The following PCSK2 variants were observed in gnomAD, a reference collection of about 807,000 sequenced individuals.
The protein encoded by PCSK2 is neuroendocrine convertase 2.
In PCSK2, 14 loss-of-function variants were observed where a neutral mutation model predicts 69.7. The observed-to-expected ratio is 0.20, with a 90% confidence interval of 0.13 to 0.31. The LOEUF is 0.31. Ranked by LOEUF, PCSK2 falls within the 10% of genes least tolerant of loss-of-function variation. The pLI is 1.00. For missense variants in PCSK2, 544 were observed against 842.5 expected (o/e 0.65, Z 4.39); for synonymous variants, 307 against 320.7 (o/e 0.96, Z 0.46).
rs534588639 is a variant in PCSK2, at chr20:17,284,389, C to T, written c.282+24045C>T. 4.6e-5 allele frequency among the ~76,000 whole-genome samples: 7 copies of T among 152,308 alleles called. No individual in the cohort carries two copies. The South Asian group carries it at 6.2e-4, about 14-fold the overall frequency. ...ACAGCACACTATTGGCAATGGCTTT[C>T]GTCCACTCCATCCACCATCACCACT... On this transcript the variant is annotated intron_variant, in intron 2 of 11. Coordinates refer to ENST00000262545, the MANE Select transcript of PCSK2 (RefSeq NM_002594.5).
chr20:17,318,447 A>G (rs180869082), intron 2 of PCSK2, among the ~76,000 whole-genome samples: 10 of 152,320 alleles, frequency 6.6e-5, no homozygotes, highest in Admixed American at 5.2e-4. Context: ...GTTTTTCATC[A>G]TTTCATATAG....
At chr20:17,451,964 G>T (rs1322195542) in intron 8 of PCSK2, among the ~76,000 whole-genome samples, 2 of 148,706 alleles carry the variant, frequency 1.3e-5, no homozygotes, top group Admixed American at 1.3e-4. Context: ...TGTCACCCGG[G>T]CTGGAGTGCA....
chr20:17,260,326 G>A lies in PCSK2; in HGVS notation c.264G>A (p.Gln88=), dbSNP rs765182176. The A allele has an allele frequency of 1.2e-6, 2 of 1,612,490 alleles. No individual in the cohort carries two copies. Among genetic ancestry groups the A allele is most frequent in the Non-Finnish European group, 1.7e-6 (2 of 1,178,484 alleles). ...GACGCAGCCTACACCACAAGCAGCA[G>A]CTGGAGAGAGACCCCAGGGTGAGTT... ...KRRRSLHHKQ[Q]LERDPRVKMA... is the part of the protein sequence containing the mutation. Residue 88 remains glutamine (Q), a synonymous_variant, in exon 2 of 12, where the codon CAG becomes CAA. Coordinates refer to ENST00000262545, the MANE Select transcript of PCSK2 (RefSeq NM_002594.5).
At chr20:17,380,231 A>G (rs2031051664) in intron 5 of PCSK2, among the ~76,000 whole-genome samples, 1 of 152,268 alleles carries the variant, frequency 6.6e-6, no homozygotes, top group Admixed American at 6.5e-5. Flanking sequence ...TCTTGATTAT[A>G]GTGGATATTT....
At chr20:17,413,907 C>A (rs1203072840) in intron 6 of PCSK2, among the ~76,000 whole-genome samples, 3 of 152,174 alleles carry the variant, frequency 2.0e-5, no homozygotes, top group African/African-American at 4.8e-5. Flanking sequence ...TACATGGAAA[C>A]TGAACAACCT....
In PCSK2 at chr20:17,295,553, T is replaced by TA. The variant is rs1491337682; in HGVS notation, c.282+35209_282+35210insA. Among the ~76,000 whole-genome samples the TA allele has an allele frequency of 1.0e-3, 154 of 147,840 alleles. 4 individuals are homozygous for TA. In the East Asian group the frequency reaches 0.021, roughly 20 times the overall value. On this transcript the variant is annotated intron_variant, in intron 2 of 11. Coordinates refer to ENST00000262545, the MANE Select transcript of PCSK2 (RefSeq NM_002594.5). ...TATTTATTTATTTATATTATATATA[T>TA]TTATTTATTTATTTATTATTTATTT...
rs1381107551 is a variant in PCSK2, at chr20:17,260,229, A to T, written c.178-11A>T. ...AGCTAACTATGCCTATGTCTACTTGACTCTCCACAGCTTCCCTTTGCTGAA... is the reference window on the plus strand; with the variant it reads ...AGCTAACTATGCCTATGTCTACTTGTCTCTCCACAGCTTCCCTTTGCTGAA... On this transcript the variant is annotated splice_polypyrimidine_tract_variant and intron_variant, in intron 1 of 11. Transcript: ENST00000262545. 4 of 1,578,254 alleles carry T rather than the reference A, an allele frequency of 2.5e-6. No individual in the cohort carries two copies. In the South Asian group the frequency reaches 3.3e-5, roughly 13 times the overall value.
rs576273487 is a variant in PCSK2, at chr20:17,347,812, G to T, written c.283-10515G>T. Reference sequence around the variant, plus strand: ...CGAAAGAAAGAAAGAAAGAAAGAAAGAAAGAAAGAAAGAAAGAAAGAAAGA... The same window carrying T: ...CGAAAGAAAGAAAGAAAGAAAGAAATAAAGAAAGAAAGAAAGAAAGAAAGA... On this transcript the variant is annotated intron_variant, in intron 2 of 11. Coordinates refer to ENST00000262545, the MANE Select transcript of PCSK2 (RefSeq NM_002594.5). Among the ~76,000 whole-genome samples the T allele has an allele frequency of 6.6e-3, 802 of 121,466 alleles. 17 individuals are homozygous for T. Among genetic ancestry groups the T allele is most frequent in the African/African-American group, 0.01 (327 of 31,166 alleles). The allele number at this position is 121,466 out of a possible 152,430, so 79.7% of individuals were successfully genotyped here. A position where few individuals can be genotyped will look rare whatever the true frequency, so the allele number is the denominator to read the frequency against.
chr20:17,375,916 AG>A (rs2030911722), intron 5 of PCSK2, among the ~76,000 whole-genome samples: 1 of 152,174 alleles, frequency 6.6e-6, no homozygotes, highest in African/African-American at 2.4e-5. Flanking sequence ...AAAGAGGTGA[AG>A]TGTGTTTCCT....
At chr20:17,259,315 AAATT>A (rs1418671502) in intron 1 of PCSK2, among the ~76,000 whole-genome samples, 1 of 152,252 alleles carries the variant, frequency 6.6e-6, no homozygotes, top group Non-Finnish European at 1.5e-5. Flanking sequence ...GCATTCAATT[AAATT>A]AATTAATCAG....
intron 11 of PCSK2, among the ~76,000 whole-genome samples, chr20:17,468,583 C>G (rs976786187): frequency 6.6e-6 from 1 of 151,358 alleles, no homozygotes; most frequent in African/African-American, 2.4e-5. Context: ...TGTAGACGGG[C>G]AGCCTACCAT....
chr20:17,245,456 C>T (rs904205910), intron 1 of PCSK2, among the ~76,000 whole-genome samples: 5 of 152,240 alleles, frequency 3.3e-5, no homozygotes, highest in South Asian at 2.1e-4. Flanking sequence ...AATTTTCTAG[C>T]TTAGACATCT....
At chr20:17,269,648 C>T (rs1987781805) in intron 2 of PCSK2, among the ~76,000 whole-genome samples, 3 of 152,124 alleles carry the variant, frequency 2.0e-5, no homozygotes, top group African/African-American at 7.2e-5. Context: ...CAGGAGGTCA[C>T]ATTTGACTCA....
intron 6 of PCSK2, among the ~76,000 whole-genome samples, chr20:17,428,445 G>A (rs1034890993): frequency 2.6e-5 from 4 of 152,086 alleles, no homozygotes; most frequent in Non-Finnish European, 4.4e-5. Flanking sequence ...CCTTGCATGT[G>A]ATATTTTTAA....
intron 1 of PCSK2, among the ~76,000 whole-genome samples, chr20:17,251,981 G>T (rs999922259): frequency 6.6e-6 from 1 of 152,194 alleles, no homozygotes; most frequent in Non-Finnish European, 1.5e-5. Context: ...TCTCAATGTT[G>T]CCTGGGCTTC....
At chr20:17,369,942 T>C (rs373416244) in intron 5 of PCSK2, among the ~76,000 whole-genome samples, 19 of 152,154 alleles carry the variant, frequency 1.2e-4, no homozygotes, top group African/African-American at 3.9e-4. Flanking sequence ...CCCCATAACA[T>C]TGAGAATTAC....
chr20:17,252,486 G>A (rs893162603), intron 1 of PCSK2, among the ~76,000 whole-genome samples: 1 of 152,168 alleles, frequency 6.6e-6, no homozygotes, highest in Non-Finnish European at 1.5e-5. Context: ...ATTATTCCAA[G>A]CACTTTTCAT....
At chr20:17,302,152 T>C (rs1989104951) in intron 2 of PCSK2, among the ~76,000 whole-genome samples, 1 of 152,008 alleles carries the variant, frequency 6.6e-6, no homozygotes, top group Non-Finnish European at 1.5e-5. Context: ...AAAACAAGAA[T>C]ATTCTTATTG....
chr20:17,351,536 G>A (rs1445146316), intron 2 of PCSK2, among the ~76,000 whole-genome samples: 5 of 152,144 alleles, frequency 3.3e-5, no homozygotes, highest in African/African-American at 1.2e-4. Flanking sequence ...GATGCAGTTA[G>A]TTCAACATAT....
Sources: allele counts gnomAD v4.1 joint callset (sites outside exome capture counted in the v4.1 genomes callset), GRCh38; gene constraint gnomAD v4.1.1; transcripts MANE v1.5; gene names NCBI Gene and HGNC (gene_info 2026-07-23, HGNC 2026-07-21).